The following CTBP2 variants were observed in gnomAD, a reference collection of about 807,000 sequenced individuals.
The protein encoded by CTBP2 is C-terminal binding protein 2.
A neutral mutation model predicts 80.3 loss-of-function variants in CTBP2; 30 were observed. That is an observed-to-expected ratio of 0.37 (90% CI 0.28 to 0.51). The LOEUF (loss-of-function observed/expected upper bound fraction) is 0.51, where lower values mean the gene tolerates loss of function less well. CTBP2 is among the 20% of genes least tolerant of loss of function. CTBP2 has a pLI of 0.93. For synonymous variants in CTBP2, 594 were observed against 587.4 expected (o/e 1.01, Z -0.16); for missense variants, 1,212 against 1,375.3 (o/e 0.88, Z 1.88).
At chr10:125,019,155 C>T (rs1043125130) in intron 1 of CTBP2, among the ~76,000 whole-genome samples, 5 of 150,914 alleles carry the variant, frequency 3.3e-5, no homozygotes, top group Admixed American at 1.3e-4. Context: ...GAAAAGTGAA[C>T]GAAGGCTAGT....
At chr10:125,136,966 G>A (rs942493537) in intron 1 of CTBP2, among the ~76,000 whole-genome samples, 7 of 152,184 alleles carry the variant, frequency 4.6e-5, no homozygotes, top group Admixed American at 4.6e-4. Context: ...GCTGCCTTTG[G>A]TGGGACACAG....
Position 125,026,977 on chromosome 10 carries a change from C to T in CTBP2, c.783G>A (p.Arg261=). The T allele has an allele frequency of 6.2e-7, 1 of 1,614,014 alleles. No homozygotes were observed. The highest frequency in any genetic ancestry group is 8.5e-7 in the Non-Finnish European group (1 of 1,180,022). ...AAGCCATCTTGGATGGGATGCTTTCCCGGGCAGGCCCGTAGCCACGATTCA... is the reference window on the plus strand; with the variant it reads ...AAGCCATCTTGGATGGGATGCTTTCTCGGGCAGGCCCGTAGCCACGATTCA... Residue 261 remains arginine, a synonymous_variant, in exon 1 of 9, where the codon CGG becomes CGA. Transcript: ENST00000309035.
intron 1 of CTBP2, among the ~76,000 whole-genome samples, chr10:125,135,764 A>T (rs1470911423): frequency 6.6e-6 from 1 of 151,492 alleles, no homozygotes; most frequent in Non-Finnish European, 1.5e-5. Context: ...ACCACTCGGG[A>T]CACTTCTCGG....
In CTBP2 at chr10:125,117,609, A is replaced by G. The variant is rs557605181; in HGVS notation, c.-205-6516T>C. On this transcript the variant is annotated intron_variant, in intron 1 of 10. Coordinates refer to the CTBP2 transcript ENST00000337195. Reference sequence around the variant, plus strand: ...TGGGGAAAAGAAATACAATAAAATGACAACGTCTACCAAAGGGCTGAGTGT... The same window carrying G: ...TGGGGAAAAGAAATACAATAAAATGGCAACGTCTACCAAAGGGCTGAGTGT... 2.0e-5 allele frequency among the ~76,000 whole-genome samples: 3 copies of G among 152,342 alleles called. No individual in the cohort carries two copies. In the East Asian group the frequency reaches 5.8e-4, roughly 29 times the overall value.
chr10:125,036,740 C>T (rs1590234981), intron 3 of CTBP2, among the ~76,000 whole-genome samples: 1 of 148,702 alleles, frequency 6.7e-6, no homozygotes, highest in African/African-American at 2.5e-5. Flanking sequence ...ATGTTCAAGG[C>T]CTTCAGGTGG....
intron 1 of CTBP2, among the ~76,000 whole-genome samples, chr10:125,143,053 G>A (rs866387975): frequency 2.0e-5 from 3 of 152,164 alleles, no homozygotes; most frequent in African/African-American, 2.4e-5. Flanking sequence ...ACCCCAGCTC[G>A]CGGAAATCCA....
intron 2 of CTBP2, among the ~76,000 whole-genome samples, chr10:125,100,179 CA>C (rs1850393779): frequency 6.6e-6 from 1 of 152,118 alleles, no homozygotes; most frequent in Non-Finnish European, 1.5e-5. Context: ...TCATAAAGAC[CA>C]AAATGTAACG....
chr10:124,994,125 G>A, intron 5 of CTBP2, 140 bp from the exon 8 acceptor site: 2 of 1,182,100 alleles, frequency 1.7e-6, no homozygotes, highest in Non-Finnish European at 2.4e-6. Context: ...AGGGAAGGGA[G>A]TGGGAAGTGT....
At chr10:125,093,504 T>G (rs1274354412) in intron 2 of CTBP2, among the ~76,000 whole-genome samples, 1 of 152,344 alleles carries the variant, frequency 6.6e-6, no homozygotes, top group Middle Eastern at 3.4e-3. Flanking sequence ...CCACGACACT[T>G]TGTTTAATTC....
intron 8 of CTBP2, 66 bp from the exon 11 acceptor site, chr10:124,989,764 T>C: frequency 2.1e-6 from 3 of 1,441,456 alleles, no homozygotes; most frequent in Non-Finnish European, 2.8e-6. Flanking sequence ...TTGGCTCTTC[T>C]ACTTCTGGCC....
At chr10:125,144,791 T>C (rs940613646) in intron 1 of CTBP2, among the ~76,000 whole-genome samples, 2 of 152,252 alleles carry the variant, frequency 1.3e-5, no homozygotes, top group Non-Finnish European at 2.9e-5. Flanking sequence ...TAGATAGTAA[T>C]AGTGTGCTTC....
rs1011236248 is a variant in CTBP2 at position 125,156,549 on chromosome 10, C to A, written c.-206+3770G>T. 1.3e-5 allele frequency among the ~76,000 whole-genome samples: 2 copies of A among 151,990 alleles called. 1 individual carries two copies. The highest frequency in any genetic ancestry group is 4.1e-4 in the South Asian group (2 of 4,822). On this transcript the variant is annotated intron_variant, in intron 1 of 10. Coordinates refer to the CTBP2 transcript ENST00000337195. Reference sequence around the variant, plus strand: ...CTCCCTCACTCAGAGGTGTCCTTTTCGGTTTTTTTTCAATCCGTGAATCTC... The same window carrying A: ...CTCCCTCACTCAGAGGTGTCCTTTTAGGTTTTTTTTCAATCCGTGAATCTC...
In CTBP2 at chr10:125,003,377, G is replaced by T; in HGVS notation, c.1794C>A (p.Ala598=). 1 of 1,609,234 alleles carries T rather than the reference G, an allele frequency of 6.2e-7. No individual in the cohort carries two copies. The highest frequency in any genetic ancestry group is 8.5e-7 in the Non-Finnish European group (1 of 1,179,014). ...CCTGCGTCGACTGCGCGTCACAGAA[G>T]GCCACAGTGGCCAGGTCCTTCAGGA... Residue 598 remains alanine, a synonymous_variant, in exon 2 of 9, where the codon GCC becomes GCA. Coordinates refer to ENST00000309035, the MANE Select transcript of CTBP2 (RefSeq NM_022802.3).
At chr10:125,130,788 C>CT (rs1856041615) in intron 1 of CTBP2, among the ~76,000 whole-genome samples, 1 of 152,136 alleles carries the variant, frequency 6.6e-6, no homozygotes, top group African/African-American at 2.4e-5. Context: ...TAGCGGAACT[C>CT]TAACTCCCAG....
intron 1 of CTBP2, among the ~76,000 whole-genome samples, chr10:125,015,158 G>A (rs562436718): frequency 5.9e-5 from 9 of 152,304 alleles, no homozygotes; most frequent in Admixed American, 3.3e-4. Context: ...GGTCAGTCCC[G>A]CTGTGATTGT....
Position 124,989,404 on chromosome 10 carries a change from A to G in CTBP2, c.*114T>C, listed in dbSNP as rs79472083. The G allele has an allele frequency of 3.1e-5, 35 of 1,132,006 alleles. No homozygotes were observed. Among genetic ancestry groups the G allele is most frequent in the Admixed American group, 1.5e-4 (9 of 59,184 alleles). 70.1% of individuals were successfully genotyped at this position (1,132,006 alleles called of 1,614,324 possible). On this transcript the variant is annotated 3_prime_UTR_variant, in exon 9 of 9. Transcript: ENST00000309035. Reference sequence around the variant, plus strand: ...TTCAACACTGCAACATCAATGATGCATATGTCCAGAATCAGTTACAAAGAC... The same window carrying G: ...TTCAACACTGCAACATCAATGATGCGTATGTCCAGAATCAGTTACAAAGAC...
chr10:125,018,774 A>G (rs1034545866), intron 1 of CTBP2, among the ~76,000 whole-genome samples: 1 of 152,184 alleles, frequency 6.6e-6, no homozygotes, highest in African/African-American at 2.4e-5. Context: ...GTATTGCAGG[A>G]CGCGCTCCCC....
chr10:125,027,625 T>A lies in CTBP2; in HGVS notation c.135A>T (p.Thr45=). The A allele has an allele frequency of 6.2e-7, 1 of 1,614,080 alleles. No individual in the cohort carries two copies. Among genetic ancestry groups the A allele is most frequent in the Non-Finnish European group, 8.5e-7 (1 of 1,180,018 alleles). ...TTGGCTCAAACCAAGTCCCCTCTGC[T>A]GTGCCATACGTCAGGGAGCTTCTCC... The change falls in exon 1 of 9, where the codon ACA becomes ACT. Residue 45 remains threonine, a synonymous_variant. Transcript: ENST00000309035.
intron 6 of CTBP2, among the ~76,000 whole-genome samples, chr10:124,993,535 C>A (rs2134115956): frequency 1.3e-5 from 2 of 152,212 alleles, no homozygotes; most frequent in Non-Finnish European, 2.9e-5. Flanking sequence ...ATTGGTAGAT[C>A]AAAAAGCCCA....
Sources: allele counts gnomAD v4.1 joint callset (sites outside exome capture counted in the v4.1 genomes callset), GRCh38; gene constraint gnomAD v4.1.1; transcripts MANE v1.5; gene names NCBI Gene and HGNC (gene_info 2026-07-23, HGNC 2026-07-21).